The following DTWD2 variants were observed in gnomAD, a reference collection of about 807,000 sequenced individuals.
DTWD2 encodes DTW motif tRNA-uridine aminocarboxypropyltransferase 2.
Under a neutral mutation model 31.8 loss-of-function variants are expected in DTWD2, and 39 were observed. That is an observed-to-expected ratio of 1.22 (90% CI 0.95 to 1.60). The LOEUF (loss-of-function observed/expected upper bound fraction) is 1.60. Among genes scored for constraint, DTWD2 ranks in the 40% most tolerant of loss-of-function variants. DTWD2 has a pLI of 0.00. For synonymous variants in DTWD2, 180 were observed against 142.8 expected (o/e 1.26, Z -1.86); for missense variants, 515 against 381.5 (o/e 1.35, Z -2.92).
chr5:118,968,493 G>A (rs1754905352), intron 1 of DTWD2, among the ~76,000 whole-genome samples: 1 of 152,172 alleles, frequency 6.6e-6, no homozygotes, highest in Admixed American at 6.5e-5. Context: ...CACAGAGAGT[G>A]AGGAAAAGCA....
chr5:118,917,948 G>A (rs186098401), intron 4 of DTWD2, among the ~76,000 whole-genome samples: 2 of 151,864 alleles, frequency 1.3e-5, no homozygotes, highest in Admixed American at 1.3e-4. Flanking sequence ...CTGGGCAATG[G>A]GGCAAGACTC....
rs983526521 is a variant in DTWD2 at position 118,944,501 on chromosome 5, G to C, written c.309+58C>G. 6 of 1,503,820 alleles carry C rather than the reference G, an allele frequency of 4.0e-6. No individual in the cohort carries two copies. The African/African-American group carries it at 6.9e-5, about 17-fold the overall frequency. 93.2% of individuals were successfully genotyped at this position (1,503,820 alleles called of 1,614,324 possible). A position where few individuals can be genotyped will look rare whatever the true frequency, so the allele number is the denominator to read the frequency against. Reference sequence around the variant, plus strand: ...GGTAAGGATAAGTATGTTTATCTTCGTGTTTCCTCTTGTGGACTCATATTC... The same window carrying C: ...GGTAAGGATAAGTATGTTTATCTTCCTGTTTCCTCTTGTGGACTCATATTC... On this transcript the variant is annotated intron_variant, in intron 2 of 5. Transcript: ENST00000510708.
At chr5:118,972,294 C>A (rs1466430780) in intron 1 of DTWD2, among the ~76,000 whole-genome samples, 1 of 152,130 alleles carries the variant, frequency 6.6e-6, no homozygotes, top group East Asian at 1.9e-4. Context: ...GGGGATATCA[C>A]CACTGACCAC....
intron 1 of DTWD2, among the ~76,000 whole-genome samples, chr5:118,976,077 C>T (rs971539385): frequency 1.3e-5 from 2 of 152,184 alleles, no homozygotes; most frequent in Non-Finnish European, 2.9e-5. Flanking sequence ...GAACAACCTG[C>T]TCCTGAATGA....
chr5:118,875,909 T>A (rs1380293771), intron 4 of DTWD2, among the ~76,000 whole-genome samples: 1 of 152,212 alleles, frequency 6.6e-6, no homozygotes, highest in African/African-American at 2.4e-5. Flanking sequence ...TATATTCTTT[T>A]CTTCGCCACA....
rs368756810 is a variant in DTWD2, at chr5:118,892,152, T to A, written c.597+36385A>T. Among the ~76,000 whole-genome samples, 12 of 152,266 alleles carry A rather than the reference T, an allele frequency of 7.9e-5. No individual in the cohort carries two copies. In the East Asian group the frequency reaches 1.9e-3, roughly 24 times the overall value. The stretch of plus-strand genomic sequence containing the variant: ...TGATATCCAGTGTGTATTTTATCTA[T>A]ACAGAGCATTTTCATTAGGAAGCTC... On this transcript the variant is annotated intron_variant, in intron 4 of 5. Transcript: ENST00000510708.
At chr5:118,973,858 G>A in intron 1 of DTWD2, 1 of 1,612,128 alleles carries the variant, frequency 6.2e-7, no homozygotes, top group Non-Finnish European at 8.5e-7. Context: ...AGGAGAAGAA[G>A]GAAGTTGTGG....
At chr5:118,962,146 G>C (rs1431409015) in intron 1 of DTWD2, among the ~76,000 whole-genome samples, 1 of 152,044 alleles carries the variant, frequency 6.6e-6, no homozygotes, top group Non-Finnish European at 1.5e-5. Flanking sequence ...GCTGAGGCAG[G>C]AGAATTGCTT....
chr5:118,901,561 G>C (rs988557291), intron 4 of DTWD2, among the ~76,000 whole-genome samples: 6 of 151,952 alleles, frequency 3.9e-5, no homozygotes, highest in African/African-American at 1.5e-4. Context: ...ATATATATTA[G>C]AGTATATTAG....
At chr5:118,887,971 C>T (rs978180661) in intron 4 of DTWD2, among the ~76,000 whole-genome samples, 1 of 152,162 alleles carries the variant, frequency 6.6e-6, no homozygotes, top group African/African-American at 2.4e-5. Flanking sequence ...AACCCTTACT[C>T]ACTGGACAAT....
intron 4 of DTWD2, among the ~76,000 whole-genome samples, chr5:118,881,474 A>G (rs944143129): frequency 1.3e-5 from 2 of 152,228 alleles, no homozygotes; most frequent in Admixed American, 6.5e-5. Context: ...TGAAACTGAT[A>G]TATTTCTAGA....
chr5:118,972,322 C>G (rs1427474863), intron 1 of DTWD2, among the ~76,000 whole-genome samples: 1 of 152,146 alleles, frequency 6.6e-6, no homozygotes, highest in Non-Finnish European at 1.5e-5. Flanking sequence ...TACAAACAAT[C>G]ATCAGAGAAT....
At chr5:118,977,348 A>G (rs952591977) in intron 1 of DTWD2, among the ~76,000 whole-genome samples, 1 of 152,186 alleles carries the variant, frequency 6.6e-6, no homozygotes, top group Admixed American at 6.5e-5. Flanking sequence ...GCAATCAGGC[A>G]AGAGAAAGAA....
intron 1 of DTWD2, among the ~76,000 whole-genome samples, chr5:118,978,249 T>TAA (rs1755211765): frequency 6.6e-6 from 1 of 151,940 alleles, no homozygotes; most frequent in South Asian, 2.1e-4. Context: ...GACGTAAATG[T>TAA]AAAACCCAAA....
intron 3 of DTWD2, 79 bp from the exon 4 acceptor site, chr5:118,928,808 T>G: frequency 8.2e-7 from 1 of 1,222,320 alleles, no homozygotes. Flanking sequence ...AATTTCCTAA[T>G]AAAAGTTTCC....
At position 118,838,489 on chromosome 5, in the gene DTWD2, C is replaced by T. The variant is rs1311173430; in HGVS notation, c.*2428G>A. On this transcript the variant is annotated 3_prime_UTR_variant, in exon 6 of 6. Transcript: ENST00000510708. Reference sequence around the variant, plus strand: ...CCTGATTAATTTTTCAATTAAAATACTCAGATAATACTACACACTTGAGAA... The same window carrying T: ...CCTGATTAATTTTTCAATTAAAATATTCAGATAATACTACACACTTGAGAA... 1.3e-5 allele frequency: 2 copies of T among 152,080 alleles called. No homozygotes were observed. The highest frequency in any genetic ancestry group is 1.5e-5 in the Non-Finnish European group (1 of 68,006). 9.4% of individuals were successfully genotyped at this position (152,080 alleles called of 1,614,324 possible).
intron 4 of DTWD2, among the ~76,000 whole-genome samples, chr5:118,916,045 G>A (rs1014305615): frequency 2.0e-5 from 3 of 152,160 alleles, no homozygotes; most frequent in African/African-American, 7.2e-5. Flanking sequence ...TAGCTACTAA[G>A]GCCATTAAAT....
chr5:118,918,073 G>A (rs1176910770), intron 4 of DTWD2, among the ~76,000 whole-genome samples: 1 of 152,096 alleles, frequency 6.6e-6, no homozygotes, highest in Non-Finnish European at 1.5e-5. Flanking sequence ...CCCAACACAT[G>A]GGGATTAGAA....
chr5:118,936,344 G>C (rs1754044186), intron 3 of DTWD2, among the ~76,000 whole-genome samples: 1 of 152,060 alleles, frequency 6.6e-6, no homozygotes, highest in South Asian at 2.1e-4. Flanking sequence ...TTCAAGACCA[G>C]CCTGGGCAAC....
Sources: gnomAD v4.1 joint callset for allele counts (sites outside exome capture counted in the v4.1 genomes callset) on GRCh38, gnomAD v4.1.1 for gene constraint, MANE v1.5 for transcripts, NCBI Gene and HGNC (gene_info 2026-07-23, HGNC 2026-07-21) for gene names.